The following DLC1 variants were observed in gnomAD, a reference collection of about 807,000 sequenced individuals.
DLC1 encodes the protein rho GTPase-activating protein 7.
DLC1 carries 54 observed loss-of-function variants against 140.3 expected under a neutral mutation model. The observed-to-expected ratio is 0.38, with a 90% CI of 0.31 to 0.48. The LOEUF is 0.48. DLC1 is among the 20% of genes least tolerant of loss of function. The probability of loss-of-function intolerance (pLI) is 0.96; values close to 1 mark genes in which losing one functional copy is unlikely to be tolerated. For synonymous variants in DLC1, 986 were observed against 728.1 expected (o/e 1.35, Z -5.70); for missense variants, 2,536 against 1,907.0 (o/e 1.33, Z -6.14).
intron 4 of DLC1, among the ~76,000 whole-genome samples, chr8:13,334,326 G>A (rs535167886): frequency 6.6e-6 from 1 of 152,276 alleles, no homozygotes; most frequent in East Asian, 1.9e-4. Context: ...GAAGATGGGG[G>A]AGAAGAGAGG....
chr8:13,339,576 C>G (rs1022683400), intron 4 of DLC1: 2 of 152,194 alleles, frequency 1.3e-5, no homozygotes, highest in African/African-American at 4.8e-5. Context: ...CAGAGATGCC[C>G]TGTCATTATG....
At chr8:13,153,049 A>G (rs1444391170) in intron 5 of DLC1, among the ~76,000 whole-genome samples, 2 of 152,196 alleles carry the variant, frequency 1.3e-5, no homozygotes, top group Admixed American at 1.3e-4. Context: ...GCTCTTCCTT[A>G]AAATTTTTAA....
intron 5 of DLC1, among the ~76,000 whole-genome samples, chr8:13,158,438 C>T (rs1018821117): frequency 6.6e-6 from 1 of 152,132 alleles, no homozygotes; most frequent in Non-Finnish European, 1.5e-5. Context: ...TGTACCTTGA[C>T]CCTAACTTTG....
intron 5 of DLC1, among the ~76,000 whole-genome samples, chr8:13,168,899 G>C (rs967824081): frequency 6.6e-6 from 1 of 152,194 alleles, no homozygotes; most frequent in African/African-American, 2.4e-5. Flanking sequence ...TCCTGATGGT[G>C]ACCCTGTGGT....
intron 5 of DLC1, among the ~76,000 whole-genome samples, chr8:13,184,504 G>A (rs775017661): frequency 2.9e-4 from 44 of 152,120 alleles, no homozygotes; most frequent in Non-Finnish European, 4.0e-4. Flanking sequence ...TTGTGTCTTT[G>A]TTCTCATTGG....
At chr8:13,361,575 GT>G (rs1394304255) in intron 4 of DLC1, among the ~76,000 whole-genome samples, 23 of 152,066 alleles carry the variant, frequency 1.5e-4, no homozygotes, top group African/African-American at 5.5e-4. Context: ...TCCAGTGTAG[GT>G]ATTTTCAATG....
intron 5 of DLC1, among the ~76,000 whole-genome samples, chr8:13,133,701 C>G (rs986322037): frequency 2.6e-5 from 4 of 152,048 alleles, no homozygotes; most frequent in Non-Finnish European, 4.4e-5. Flanking sequence ...GGTGTCCGGC[C>G]TGGACCCTAG....
intron 5 of DLC1, among the ~76,000 whole-genome samples, chr8:13,281,616 G>A (rs939331496): frequency 2.0e-5 from 3 of 152,090 alleles, no homozygotes; most frequent in Non-Finnish European, 2.9e-5. Context: ...GACAGGCCTG[G>A]TGATCAAGGT....
At chr8:13,154,366 G>A (rs1298794553) in intron 5 of DLC1, among the ~76,000 whole-genome samples, 1 of 152,220 alleles carries the variant, frequency 6.6e-6, no homozygotes, top group African/African-American at 2.4e-5. Context: ...GAGGCCCAGT[G>A]AGAATTGGAG....
intron 4 of DLC1, among the ~76,000 whole-genome samples, chr8:13,380,719 T>C (rs1352204170): frequency 6.6e-6 from 1 of 152,220 alleles, no homozygotes; most frequent in Non-Finnish European, 1.5e-5. Flanking sequence ...TGATCGGATG[T>C]TAAAATTAAA....
chr8:13,318,391 T>A (rs1266485417), intron 4 of DLC1, among the ~76,000 whole-genome samples: 1 of 152,142 alleles, frequency 6.6e-6, no homozygotes, highest in Non-Finnish European at 1.5e-5. Context: ...ATTCTATGTA[T>A]GAGGAAATGA....
At position 13,496,785 on chromosome 8, in the gene DLC1, C is replaced by CTTTTTTTTTTTTTTTTTTTTTTTTTTT. The variant is rs1491502803; in HGVS notation, c.1023+2263_1023+2264insAAAAAAAAAAAAAAAAAAAAAAAAAAA. 8.1e-4 allele frequency among the ~76,000 whole-genome samples: 7 copies of CTTTTTTTTTTTTTTTTTTTTTTTTTTT among 8,652 alleles called. 2 individuals carry two copies. The highest frequency in any genetic ancestry group is 2.1e-3 in the Non-Finnish European group (3 of 1,456). The allele number at this position is 8,652 out of a possible 152,430, so 5.7% of individuals were successfully genotyped here. A position where few individuals can be genotyped will look rare whatever the true frequency, so the allele number is the denominator to read the frequency against. On this transcript the variant is annotated intron_variant, in intron 2 of 17. Transcript: ENST00000276297. ...TAATTAACAAATTCTTAGACCATTT[C>CTTTTTTTTTTTTTTTTTTTTTTTTTTT]CTTTTTTTTTTTTTTTTTTTTTTTT...
At position 13,085,568 on chromosome 8, in the gene DLC1, A is replaced by T. The variant is rs1196885007; in HGVS notation, c.*243T>A. On this transcript the variant is annotated 3_prime_UTR_variant, in exon 18 of 18. Coordinates refer to ENST00000276297, the MANE Select transcript of DLC1 (RefSeq NM_182643.3). ...TCTCAGAAGCAATTTGAATAAGAAT[A>T]CACATAAATTTTTTTTTTTTTTTTG... The T allele has an allele frequency of 2.8e-6, 1 of 361,340 alleles. No homozygotes were observed. The highest frequency in any genetic ancestry group is 4.9e-6 in the Non-Finnish European group (1 of 205,578). 22.4% of individuals were successfully genotyped at this position (361,340 alleles called of 1,614,324 possible). A position where few individuals can be genotyped will look rare whatever the true frequency, so the allele number is the denominator to read the frequency against.
Position 13,168,041 on chromosome 8 carries a change from A to G in DLC1, c.1349-52384T>C, listed in dbSNP as rs117399245. ...TCTTAGGGAAATTAAGCTTTTGCATATAAAGAATCAGGCTAGATGTTGTCT... is the reference window on the plus strand; with the variant it reads ...TCTTAGGGAAATTAAGCTTTTGCATGTAAAGAATCAGGCTAGATGTTGTCT... On this transcript the variant is annotated intron_variant, in intron 5 of 17. Coordinates refer to ENST00000276297, the MANE Select transcript of DLC1 (RefSeq NM_182643.3). 1.8e-4 allele frequency among the ~76,000 whole-genome samples: 27 copies of G among 152,306 alleles called. No individual in the cohort carries two copies. The East Asian group carries it at 3.5e-3, about 20-fold the overall frequency.
chr8:13,548,161 T>C (rs1013151487), intron 1 of DLC1, among the ~76,000 whole-genome samples: 4 of 152,060 alleles, frequency 2.6e-5, no homozygotes, highest in Non-Finnish European at 5.9e-5. Flanking sequence ...TTCTAGCACA[T>C]AGTAAAAGTT....
intron 2 of DLC1, among the ~76,000 whole-genome samples, chr8:13,445,745 C>G (rs1321733141): frequency 6.6e-6 from 1 of 152,242 alleles, no homozygotes; most frequent in East Asian, 1.9e-4. Flanking sequence ...AAAAACAAAA[C>G]AAAAGTAACC....
At chr8:13,553,966 C>T (rs1803956154) in intron 1 of DLC1, among the ~76,000 whole-genome samples, 2 of 152,088 alleles carry the variant, frequency 1.3e-5, no homozygotes, top group Admixed American at 1.3e-4. Context: ...AACATCCCTG[C>T]CCCCTTGTCA....
intron 5 of DLC1, among the ~76,000 whole-genome samples, chr8:13,164,296 C>CTCA (rs138673756): frequency 2.0e-5 from 3 of 147,908 alleles, no homozygotes; most frequent in East Asian, 2.0e-4. Context: ...AGACTTCTCT[C>CTCA]AAAAAAAAAA....
chr8:13,215,655 A>C (rs1238582794), intron 5 of DLC1, among the ~76,000 whole-genome samples: 4 of 152,138 alleles, frequency 2.6e-5, no homozygotes, highest in Admixed American at 2.6e-4. Context: ...CCTACTAGGG[A>C]AGCAAACTTT....
Sources: gnomAD v4.1 joint callset for allele counts (sites outside exome capture counted in the v4.1 genomes callset) on GRCh38, gnomAD v4.1.1 for gene constraint, MANE v1.5 for transcripts, NCBI Gene and HGNC (gene_info 2026-07-23, HGNC 2026-07-21) for gene names.